The following AMMECR1 variants were observed in gnomAD, a reference collection of about 807,000 sequenced individuals.
AMMECR1 encodes AMMECR nuclear protein 1.
AMMECR1 carries 3 observed loss-of-function variants against 22.5 expected under a neutral mutation model. The ratio of observed to expected loss-of-function variants is 0.13; its 90% CI spans 0.06 to 0.35. The LOEUF is 0.35. Among genes scored for constraint, AMMECR1 ranks in the 10% least tolerant of loss-of-function variants. The pLI, the probability that AMMECR1 is intolerant of heterozygous loss-of-function variation, is 1.00. For synonymous variants in AMMECR1, 130 were observed against 116.7 expected (o/e 1.11, Z -0.74); for missense variants, 235 against 278.7 (o/e 0.84, Z 1.12).
chrX:110,398,925 CTA>C (rs761625823), intron 2 of AMMECR1, among the ~76,000 whole-genome samples: 9 of 112,164 alleles, frequency 8.0e-5, no homozygotes, highest in Non-Finnish European at 1.3e-4. Context: ...GATTCTAAAT[CTA>C]TGTTTTTGCT....
chrX:110,417,377 T>TCTGGG lies in AMMECR1; in HGVS notation c.-148+9276_-148+9280dup, dbSNP rs370525858. 4.2e-3 allele frequency among the ~76,000 whole-genome samples: 475 copies of TCTGGG among 112,709 alleles called. 2 individuals carry two copies. Among genetic ancestry groups the TCTGGG allele is most frequent in the Non-Finnish European group, 6.9e-3 (368 of 53,325 alleles). On this transcript the variant is annotated intron_variant, in intron 2 of 7. Transcript: ENST00000372057. Reference sequence around the variant, plus strand: ...TTGTGGGTCTGCCAGCTGCAGAGGTTCTGGGCTAGGCTAGGCAGCAAGAGA... The same window carrying TCTGGG: ...TTGTGGGTCTGCCAGCTGCAGAGGTTCTGGGCTGGGCTAGGCTAGGCAGCAAGAGA...
chrX:110,232,916 A>C (rs1198240616), intron 2 of AMMECR1, among the ~76,000 whole-genome samples: 3 of 104,390 alleles, frequency 2.9e-5, no homozygotes, highest in Non-Finnish European at 5.9e-5. Flanking sequence ...AAAAAAAAAA[A>C]AGAACTAGAG....
At chrX:110,264,837 CTAAT>C (rs1350553447) in intron 1 of AMMECR1, among the ~76,000 whole-genome samples, 1 of 111,403 alleles carries the variant, frequency 9.0e-6, no homozygotes, top group Non-Finnish European at 1.9e-5. Context: ...TTTAAACAAA[CTAAT>C]TATGTTAGTC....
chrX:110,249,604 A>G (rs1359175410), intron 2 of AMMECR1, among the ~76,000 whole-genome samples: 1 of 111,911 alleles, frequency 8.9e-6, no homozygotes, highest in East Asian at 2.8e-4. Flanking sequence ...GATATGTTTA[A>G]AGAAAAGGGA....
At chrX:110,329,186 G>A (rs983899975) in intron 2 of AMMECR1, among the ~76,000 whole-genome samples, 19 of 112,007 alleles carry the variant, frequency 1.7e-4, no homozygotes, top group Non-Finnish European at 1.3e-4. Flanking sequence ...ATCTCACTGC[G>A]GTTTTGATTG....
intron 2 of AMMECR1, chrX:110,224,844 A>G (rs977419882): frequency 1.5e-5 from 4 of 261,796 alleles, no homozygotes; most frequent in African/African-American, 1.1e-4. Context: ...AACAAGAAAA[A>G]TGATTTCTAA....
At chrX:110,198,724 T>C (rs2067383017) in intron 5 of AMMECR1, 90 bp from the exon 6 acceptor site, 2 of 631,360 alleles carry the variant, frequency 3.2e-6, no homozygotes, top group Non-Finnish European at 5.1e-6. Flanking sequence ...AAGATAATTT[T>C]ATAGATCAGG....
intron 2 of AMMECR1, among the ~76,000 whole-genome samples, chrX:110,425,980 GCACACACACACACACACAAACGCA>G (rs1298554365): frequency 9.1e-6 from 1 of 109,404 alleles, no homozygotes; most frequent in Non-Finnish European, 1.9e-5. Flanking sequence ...GTGCGTGCGC[GCACACACACACACACACAAACGCA>G]CACACACACA....
chrX:110,277,149 C>A (rs944516682), intron 1 of AMMECR1, among the ~76,000 whole-genome samples: 2 of 111,371 alleles, frequency 1.8e-5, no homozygotes, highest in African/African-American at 6.5e-5. Context: ...GTTACTCCTT[C>A]ATGGACAAAA....
At chrX:110,424,379 A>G (rs1370090508) in intron 2 of AMMECR1, among the ~76,000 whole-genome samples, 1 of 111,419 alleles carries the variant, frequency 9.0e-6, no homozygotes, top group African/African-American at 3.3e-5. Flanking sequence ...CCAGAACTGC[A>G]TTTTTCCAGC....
At chrX:110,306,538 A>G (rs1359269982) in intron 1 of AMMECR1, among the ~76,000 whole-genome samples, 1 of 110,039 alleles carries the variant, frequency 9.1e-6, no homozygotes, top group Non-Finnish European at 1.9e-5. Flanking sequence ...AGCTCACAGC[A>G]ACCTTTGACT....
At chrX:110,265,659 T>G (rs1035518653) in intron 1 of AMMECR1, among the ~76,000 whole-genome samples, 6 of 111,926 alleles carry the variant, frequency 5.4e-5, no homozygotes, top group Admixed American at 9.5e-5. Flanking sequence ...TACCTTACAA[T>G]GGGGATGGTC....
intron 1 of AMMECR1, among the ~76,000 whole-genome samples, chrX:110,432,508 C>T (rs1043170006): frequency 2.7e-5 from 3 of 111,835 alleles, no homozygotes; most frequent in Admixed American, 9.4e-5. Context: ...TGTGAGGCAG[C>T]GTTGGGGGCC....
chrX:110,389,452 A>G (rs769907879), intron 2 of AMMECR1, among the ~76,000 whole-genome samples: 1 of 112,305 alleles, frequency 8.9e-6, no homozygotes, highest in South Asian at 3.7e-4. Context: ...GTCTGCCACA[A>G]GTTGGCTTGC....
intron 2 of AMMECR1, among the ~76,000 whole-genome samples, chrX:110,244,235 T>TTTAATA (rs1183862247): frequency 8.9e-6 from 1 of 111,984 alleles, no homozygotes; most frequent in Non-Finnish European, 1.9e-5. Flanking sequence ...ATTTGGAATA[T>TTTAATA]TTAAGATTAG....
chrX:110,381,412 C>T (rs772144455), intron 2 of AMMECR1, among the ~76,000 whole-genome samples: 6 of 111,650 alleles, frequency 5.4e-5, no homozygotes, highest in African/African-American at 1.3e-4. Flanking sequence ...ATTATTAAAA[C>T]GTCAAAAACA....
chrX:110,288,884 T>C (rs2067894111), intron 1 of AMMECR1, among the ~76,000 whole-genome samples: 1 of 111,975 alleles, frequency 8.9e-6, no homozygotes, highest in South Asian at 3.7e-4. Flanking sequence ...CATTCCCACA[T>C]AGGTTAGAAA....
intron 2 of AMMECR1, among the ~76,000 whole-genome samples, chrX:110,409,841 T>C (rs1822915282): frequency 9.0e-6 from 1 of 111,129 alleles, no homozygotes; most frequent in Non-Finnish European, 1.9e-5. Flanking sequence ...GGTACATAAG[T>C]ACAGAGGGAG....
intron 2 of AMMECR1, among the ~76,000 whole-genome samples, chrX:110,379,908 A>C (rs772282646): frequency 1.3e-4 from 14 of 111,647 alleles, no homozygotes; most frequent in Non-Finnish European, 2.1e-4. Flanking sequence ...TATATATCAT[A>C]AAATTTATTT....
Sources: allele counts gnomAD v4.1 joint callset (sites outside exome capture counted in the v4.1 genomes callset), GRCh38; gene constraint gnomAD v4.1.1; transcripts MANE v1.5; gene names NCBI Gene and HGNC (gene_info 2026-07-23, HGNC 2026-07-21).